The following FBXL7 variants were observed in gnomAD, a reference collection of about 807,000 sequenced individuals.
FBXL7 encodes F-box/LRR-repeat protein 7.
Under a neutral mutation model 38.3 loss-of-function variants are expected in FBXL7, and 12 were observed. The observed-to-expected ratio is 0.31, with a 90% confidence interval of 0.20 to 0.51. The LOEUF (loss-of-function observed/expected upper bound fraction) is 0.51, where lower values mean the gene tolerates loss of function less well. Ranked by LOEUF, FBXL7 falls within the 20% of genes least tolerant of loss-of-function variation. FBXL7 has a pLI of 0.98. For missense variants in FBXL7, 567 were observed against 676.4 expected, an observed-to-expected ratio of 0.84 and a Z score of 1.79; for synonymous variants, 297 against 300.9, an observed-to-expected ratio of 0.99 and a Z score of 0.13.
intron 1 of FBXL7, among the ~76,000 whole-genome samples, chr5:15,509,677 AT>A (rs1228931380): frequency 6.6e-6 from 1 of 151,994 alleles, no homozygotes; most frequent in African/African-American, 2.4e-5. Flanking sequence ...GAAGCTAAAT[AT>A]TTTGTTTAGA....
At chr5:15,577,800 T>G (rs192534902) in intron 1 of FBXL7, among the ~76,000 whole-genome samples, 1 of 152,334 alleles carries the variant, frequency 6.6e-6, no homozygotes, top group Admixed American at 6.5e-5. Context: ...GAACTCTGCC[T>G]TCCTGCTTTA....
chr5:15,863,367 C>G (rs1021324252), intron 2 of FBXL7, among the ~76,000 whole-genome samples: 1 of 152,038 alleles, frequency 6.6e-6, no homozygotes, highest in African/African-American at 2.4e-5. Flanking sequence ...AAGAAAAAGT[C>G]TTTTTTCATG....
chr5:15,752,231 T>A (rs949747208), intron 2 of FBXL7, among the ~76,000 whole-genome samples: 1 of 152,128 alleles, frequency 6.6e-6, no homozygotes, highest in Non-Finnish European at 1.5e-5. Flanking sequence ...GTAACAAAAC[T>A]GCACGTTCTG....
At chr5:15,696,890 T>A (rs1743355651) in intron 2 of FBXL7, among the ~76,000 whole-genome samples, 2 of 152,178 alleles carry the variant, frequency 1.3e-5, no homozygotes, top group Admixed American at 1.3e-4. Context: ...ACACCCTGAG[T>A]GGTGTAAATG....
At position 15,860,786 on chromosome 5, in the gene FBXL7, C is replaced by T. The variant is rs80323948; in HGVS notation, c.128-67104C>T. Among the ~76,000 whole-genome samples the T allele has an allele frequency of 3.0e-4, 45 of 152,062 alleles. No homozygotes were observed. The East Asian group carries it at 6.0e-3, about 20-fold the overall frequency. On this transcript the variant is annotated intron_variant, in intron 2 of 3. Transcript: ENST00000504595. ...CTTGGAAAATTACTAGACTATGGGCCGAAATAATCATAGAGTATTAGAGTT... is the reference window on the plus strand; with the variant it reads ...CTTGGAAAATTACTAGACTATGGGCTGAAATAATCATAGAGTATTAGAGTT...
intron 1 of FBXL7, among the ~76,000 whole-genome samples, chr5:15,577,672 GAT>G (rs1485136065): frequency 2.0e-5 from 3 of 150,500 alleles, no homozygotes; most frequent in Non-Finnish European, 4.4e-5. Flanking sequence ...GAGGTCTAAA[GAT>G]ACCTTTTGAT....
chr5:15,818,476 TTAA>T (rs34295979), intron 2 of FBXL7, among the ~76,000 whole-genome samples: 80,738 of 151,690 alleles, frequency 0.53, 22,682 homozygotes, highest in Non-Finnish European at 0.64. Flanking sequence ...TAAAAAATCT[TTAA>T]TAACCATTTA....
In FBXL7 at chr5:15,642,383, G is replaced by A. The variant is rs199961204; in HGVS notation, c.127+26311G>A. 2.2e-4 allele frequency among the ~76,000 whole-genome samples: 34 copies of A among 152,272 alleles called. No homozygotes were observed. The East Asian group carries it at 6.2e-3, about 28-fold the overall frequency. On this transcript the variant is annotated intron_variant, in intron 2 of 3. Transcript: ENST00000504595. ...CAGCCAACTTGAGCAATTTCCAAGG[G>A]TCCCAGATTTCAGAGCTAATGCACC...
At chr5:15,583,675 G>A (rs1388706129) in intron 1 of FBXL7, among the ~76,000 whole-genome samples, 2 of 152,126 alleles carry the variant, frequency 1.3e-5, no homozygotes, top group Non-Finnish European at 1.5e-5. Flanking sequence ...GGGCTCCCAC[G>A]GCCTTGGACA....
At chr5:15,690,770 T>C (rs1351899972) in intron 2 of FBXL7, among the ~76,000 whole-genome samples, 1 of 152,164 alleles carries the variant, frequency 6.6e-6, no homozygotes, top group Non-Finnish European at 1.5e-5. Flanking sequence ...AGTAGAATGA[T>C]GGTTACCAGA....
chr5:15,906,122 G>T (rs558033149), intron 2 of FBXL7, among the ~76,000 whole-genome samples: 1 of 151,856 alleles, frequency 6.6e-6, no homozygotes, highest in African/African-American at 2.4e-5. Flanking sequence ...AAAGATCATC[G>T]CCAACATATC....
chr5:15,801,204 G>C (rs1201266669), intron 2 of FBXL7, among the ~76,000 whole-genome samples: 2 of 152,096 alleles, frequency 1.3e-5, no homozygotes, highest in African/African-American at 2.4e-5. Flanking sequence ...TAATACCTGG[G>C]TCCGTGTTTG....
chr5:15,860,222 T>G (rs1739419411), intron 2 of FBXL7, among the ~76,000 whole-genome samples: 7 of 152,230 alleles, frequency 4.6e-5, no homozygotes, highest in Admixed American at 4.6e-4. Flanking sequence ...ATTTTATTCC[T>G]TGTACTTTTC....
chr5:15,658,762 T>G (rs1741962981), intron 2 of FBXL7, among the ~76,000 whole-genome samples: 2 of 152,140 alleles, frequency 1.3e-5, no homozygotes, highest in Non-Finnish European at 2.9e-5. Context: ...ACAGGGATTT[T>G]CACGATGCTT....
At chr5:15,782,463 A>G (rs187781053) in intron 2 of FBXL7, among the ~76,000 whole-genome samples, 1 of 152,150 alleles carries the variant, frequency 6.6e-6, no homozygotes, top group African/African-American at 2.4e-5. Context: ...AATTGTTCCT[A>G]TTTCTCCACA....
At chr5:15,873,179 C>T (rs1479125404) in intron 2 of FBXL7, among the ~76,000 whole-genome samples, 1 of 150,546 alleles carries the variant, frequency 6.6e-6, no homozygotes, top group African/African-American at 2.4e-5. Context: ...TCCTGAATGA[C>T]TTAAGGCAAA....
chr5:15,726,840 T>G (rs1735416964), intron 2 of FBXL7, among the ~76,000 whole-genome samples: 2 of 152,166 alleles, frequency 1.3e-5, no homozygotes, highest in African/African-American at 4.8e-5. Context: ...GATTATTGAT[T>G]GGGAGGAACT....
intron 2 of FBXL7, among the ~76,000 whole-genome samples, chr5:15,853,106 C>A (rs1314993035): frequency 6.6e-6 from 1 of 152,140 alleles, no homozygotes; most frequent in Non-Finnish European, 1.5e-5. Context: ...CTTATGTAAT[C>A]CTGCTGGCAA....
At chr5:15,633,887 TCTC>T (rs1383477866) in intron 2 of FBXL7, among the ~76,000 whole-genome samples, 2 of 151,830 alleles carry the variant, frequency 1.3e-5, no homozygotes, top group Non-Finnish European at 2.9e-5. Flanking sequence ...TCCAAGCAGT[TCTC>T]CTGCCTCAGC....
Sources: gnomAD v4.1 joint callset for allele counts (sites outside exome capture counted in the v4.1 genomes callset) on GRCh38, gnomAD v4.1.1 for gene constraint, MANE v1.5 for transcripts, NCBI Gene and HGNC (gene_info 2026-07-23, HGNC 2026-07-21) for gene names.